Variants in ZIM2 observed in about 807,000 individuals in gnomAD.
ZIM2 encodes zinc finger imprinted 2.
ZIM2 carries 14 observed loss-of-function variants against 38.6 expected under a neutral mutation model. That is an observed-to-expected ratio of 0.36 (90% CI 0.24 to 0.57). The LOEUF is 0.57. Among genes scored for constraint, ZIM2 ranks in the 20% least tolerant of loss-of-function variants. The probability of loss-of-function intolerance (pLI) is 0.81; values close to 1 mark genes in which losing one functional copy is unlikely to be tolerated. For synonymous variants in ZIM2, 247 were observed against 245.8 expected, an observed-to-expected ratio of 1.00 and a Z score of -0.04; for missense variants, 680 against 695.1, an observed-to-expected ratio of 0.98 and a Z score of 0.24.
chr19:56,796,096 T>TTAA (rs1193289463), intron 9 of ZIM2, among the ~76,000 whole-genome samples: 1 of 152,190 alleles, frequency 6.6e-6, no homozygotes, highest in Non-Finnish European at 1.5e-5. Flanking sequence ...TGTTTCTTTA[T>TTAA]ACTTGTAGAA....
intron 7 of ZIM2, among the ~76,000 whole-genome samples, chr19:56,819,913 A>G (rs528187307): frequency 6.6e-6 from 1 of 152,320 alleles, no homozygotes; most frequent in South Asian, 2.1e-4. Flanking sequence ...ATCTGGGTTT[A>G]AGAGGGAAGC....
At position 56,814,199 on chromosome 19, in the gene ZIM2, C is replaced by T; in HGVS notation, c.490+3547G>A. ...TCAGCCTCTCCGTTTGGCTCAGCAG[C>T]CTCCACTTCTGGCTCAGCAGCCTCC... On this transcript the variant is annotated intron_variant, in intron 9 of 12. Coordinates refer to ENST00000629319, the MANE Select transcript of ZIM2 (RefSeq NM_001387356.1). The surrounding 1 kb of genome is among the most constrained non-coding windows in gnomAD (Gnocchi z 5.8). 1 of 1,611,550 alleles carries T rather than the reference C, an allele frequency of 6.2e-7. No homozygotes were observed. Among genetic ancestry groups the T allele is most frequent in the South Asian group, 1.1e-5 (1 of 91,018 alleles).
At chr19:56,788,496 GGTTTCTGCAGAGA>G (rs1207147856) in intron 10 of ZIM2, among the ~76,000 whole-genome samples, 1 of 152,084 alleles carries the variant, frequency 6.6e-6, no homozygotes, top group Non-Finnish European at 1.5e-5. Flanking sequence ...TGGCTTGTAG[GGTTTCTGCAGAGA>G]GATCTGCTGT....
intron 12 of ZIM2, among the ~76,000 whole-genome samples, chr19:56,777,625 CAT>C (rs2046090152): frequency 6.6e-6 from 1 of 152,206 alleles, no homozygotes; most frequent in South Asian, 2.1e-4. Context: ...CCATTAGCCA[CAT>C]GTTGCTATCA....
intron 12 of ZIM2, among the ~76,000 whole-genome samples, chr19:56,777,510 C>T (rs560384247): frequency 7.2e-5 from 11 of 152,262 alleles, no homozygotes; most frequent in African/African-American, 2.6e-4. Context: ...TCTTAAAGCC[C>T]GTTCTCCATA....
chr19:56,817,119 C>G (rs1340473475), intron 9 of ZIM2: 1 of 1,614,152 alleles, frequency 6.2e-7, no homozygotes, highest in Non-Finnish European at 8.5e-7. Flanking sequence ...TTGGCTGTGA[C>G]TCGGTAAAGG....
chr19:56,822,087 G>A (rs1412064765), intron 6 of ZIM2, among the ~76,000 whole-genome samples: 2 of 152,184 alleles, frequency 1.3e-5, no homozygotes, highest in Non-Finnish European at 2.9e-5. Flanking sequence ...CAGCTGCAAT[G>A]TGTGACAGGG....
chr19:56,817,546 G>T (rs1158038044), intron 9 of ZIM2, 200 bp downstream of exon 9: 16 of 1,596,966 alleles, frequency 1.0e-5, no homozygotes, highest in Non-Finnish European at 1.3e-5. Flanking sequence ...CCGCCGGTGG[G>T]TTGATTTTTT....
chr19:56,838,872 C>T (rs1158249164), intron 1 of ZIM2, among the ~76,000 whole-genome samples: 1 of 152,134 alleles, frequency 6.6e-6, no homozygotes, highest in African/African-American at 2.4e-5. Context: ...GACAACCCCA[C>T]ACCTATGCGG....
intron 10 of ZIM2, chr19:56,782,586 AAAAAT>A (rs1322478386): frequency 8.7e-6 from 3 of 346,184 alleles, no homozygotes; most frequent in Non-Finnish European, 1.7e-5. Flanking sequence ...AGTATTGGGT[AAAAAT>A]TAAGTAATTG....
chr19:56,781,926 CAAG>C, intron 11 of ZIM2, 24 bp downstream of exon 11: 2 of 1,607,042 alleles, frequency 1.2e-6, no homozygotes, highest in Non-Finnish European at 1.7e-6. Flanking sequence ...GGGAAGAAAC[CAAG>C]TCCTGTGGAG....
At chr19:56,783,085 G>T (rs2046409771) in intron 10 of ZIM2, among the ~76,000 whole-genome samples, 1 of 151,542 alleles carries the variant, frequency 6.6e-6, no homozygotes, top group African/African-American at 2.4e-5. Context: ...CTATTCCTAG[G>T]TATATTTACT....
In ZIM2 at chr19:56,814,452, T is replaced by C. The variant is rs748742773; in HGVS notation, c.490+3294A>G. On this transcript the variant is annotated intron_variant, in intron 9 of 12. Transcript: ENST00000629319. The surrounding 1 kb of genome is among the most constrained non-coding windows in gnomAD (Gnocchi z 5.8). ...TACCACAATCCTTGCATTCATAGAA[T>C]GGTATAGCTCCTTTGAGGGGCTCAG... The C allele has an allele frequency of 1.3e-5, 21 of 1,613,862 alleles. No homozygotes were observed. In the Admixed American group the frequency reaches 1.3e-4, roughly 10 times the overall value.
intron 9 of ZIM2, chr19:56,813,296 G>A (rs1217837322): frequency 3.2e-6 from 3 of 939,618 alleles, no homozygotes; most frequent in African/African-American, 3.5e-5. Context: ...TGTGATCACT[G>A]TTCTGTCATA....
intron 10 of ZIM2, among the ~76,000 whole-genome samples, chr19:56,785,995 A>G (rs1187192049): frequency 6.6e-6 from 1 of 152,242 alleles, no homozygotes; most frequent in East Asian, 1.9e-4. Context: ...CATCGCCCCA[A>G]AAGAAACCCT....
At chr19:56,793,857 T>C (rs2047064202) in intron 9 of ZIM2, among the ~76,000 whole-genome samples, 1 of 152,126 alleles carries the variant, frequency 6.6e-6, no homozygotes, top group African/African-American at 2.4e-5. Flanking sequence ...ATTCCATTTA[T>C]ATAAAGGTCA....
At position 56,818,654 on chromosome 19, in the gene ZIM2, G is replaced by C. The variant is rs761756414; in HGVS notation, c.343C>G (p.Pro115Ala). The change falls in exon 8 of 13, where the codon CCT becomes GCT. Residue 115 changes from proline to alanine, a missense_variant. Pro to Ala is a conservative substitution (Grantham distance 27). Transcript: ENST00000629319. The part of the protein sequence containing the change: ...NVVDLAEDRK[P>A]HNTIQDNMEN... ...ATGTTGTCCTGGATTGTGTTGTGAG[G>C]TTTCCTGTCCTCAGCGAGGTCCACC... 4.3e-6 allele frequency: 7 copies of C among 1,614,134 alleles called. No homozygotes were observed. Among genetic ancestry groups the C allele is most frequent in the Non-Finnish European group, 4.2e-6 (5 of 1,180,032 alleles).
chr19:56,815,482 T>C lies in ZIM2; in HGVS notation c.490+2264A>G, dbSNP rs149044578. 550 of 1,614,096 alleles carry C rather than the reference T, an allele frequency of 3.4e-4. 3 individuals carry two copies. The highest frequency in any genetic ancestry group is 2.0e-3 in the Middle Eastern group (12 of 6,060). On this transcript the variant is annotated intron_variant, in intron 9 of 12. Coordinates refer to ENST00000629319, the MANE Select transcript of ZIM2 (RefSeq NM_001387356.1). ...CTTCTCCCTATCATGAATCTTCTGG[T>C]GCTCAGTGAGGTCAGAGCTATGAGC... is the stretch of plus-strand genomic sequence containing the variant.
intron 9 of ZIM2, chr19:56,815,373 CT>C: frequency 6.2e-7 from 1 of 1,614,236 alleles, no homozygotes; most frequent in Non-Finnish European, 8.5e-7. Flanking sequence ...CTTTAGCATA[CT>C]GCTCTTGGGC....
Sources: allele counts gnomAD v4.1 joint callset (sites outside exome capture counted in the v4.1 genomes callset), GRCh38; gene constraint gnomAD v4.1.1; non-coding constraint Gnocchi (gnomAD v3.1); transcripts MANE v1.5; gene names NCBI Gene and HGNC (gene_info 2026-07-23, HGNC 2026-07-21).